Variants in RNF180 observed in about 807,000 individuals in gnomAD.
RNF180 encodes the protein E3 ubiquitin-protein ligase RNF180.
In RNF180, 38 loss-of-function variants were observed where a neutral mutation model predicts 59.2. The observed-to-expected ratio is 0.64, with a 90% CI of 0.50 to 0.84. RNF180 has a LOEUF of 0.84. Among genes scored for constraint, RNF180 ranks in the 40% least tolerant of loss-of-function variants. The pLI, the probability that RNF180 is intolerant of heterozygous loss-of-function variation, is 0.00. For synonymous variants in RNF180, 262 were observed against 240.3 expected (o/e 1.09, Z -0.84); for missense variants, 705 against 700.9 (o/e 1.01, Z -0.07).
chr5:64,349,464 G>A (rs1745694656), intron 7 of RNF180, among the ~76,000 whole-genome samples: 1 of 150,208 alleles, frequency 6.7e-6, no homozygotes, highest in Non-Finnish European at 1.5e-5. Context: ...AAGTTCTAGG[G>A]TACATGTGCA....
At chr5:64,183,593 G>A (rs1254128043) in intron 1 of RNF180, among the ~76,000 whole-genome samples, 1 of 151,736 alleles carries the variant, frequency 6.6e-6, no homozygotes, top group Non-Finnish European at 1.5e-5. Context: ...GATTACAGGC[G>A]TGTGCCACCA....
chr5:64,257,506 T>G (rs542842086), intron 5 of RNF180, among the ~76,000 whole-genome samples: 11 of 152,340 alleles, frequency 7.2e-5, no homozygotes, highest in African/African-American at 2.6e-4. Context: ...GGATTACATT[T>G]ATTGATTTGC....
chr5:64,246,044 G>GAA (rs1162838645), intron 5 of RNF180, among the ~76,000 whole-genome samples: 1 of 152,014 alleles, frequency 6.6e-6, no homozygotes, highest in African/African-American at 2.4e-5. Context: ...GCAGAAATAA[G>GAA]AAAGTTTTTT....
rs865780263 is a variant in RNF180 at position 64,275,358 on chromosome 5, A to G, written c.1228-49828A>G. Among the ~76,000 whole-genome samples the G allele has an allele frequency of 8.4e-5, 12 of 142,976 alleles. 1 individual carries two copies. The South Asian group carries it at 2.3e-3, about 28-fold the overall frequency. 93.8% of individuals were successfully genotyped at this position (142,976 alleles called of 152,430 possible). ...TCTAAATCTTATTCTTATTTTTCAT[A>G]TGCCTGACACAAAGTCCACATTAGT... On this transcript the variant is annotated intron_variant, in intron 5 of 7. Transcript: ENST00000389100.
intron 3 of RNF180, among the ~76,000 whole-genome samples, 187 bp from the exon 4 acceptor site, chr5:64,213,371 C>A (rs188399434): frequency 6.6e-6 from 1 of 152,060 alleles, no homozygotes; most frequent in African/African-American, 2.4e-5. Context: ...AGAACTTTGG[C>A]GCTGCTTATC....
At chr5:64,176,142 A>G (rs1410065850) in intron 1 of RNF180, among the ~76,000 whole-genome samples, 1 of 152,064 alleles carries the variant, frequency 6.6e-6, no homozygotes, top group African/African-American at 2.4e-5. Context: ...TACTGAGTCA[A>G]TCTCCTCATT....
At chr5:64,222,478 T>C (rs539742054) in intron 5 of RNF180, among the ~76,000 whole-genome samples, 1 of 152,282 alleles carries the variant, frequency 6.6e-6, no homozygotes, top group East Asian at 1.9e-4. Flanking sequence ...AGGTGCAAGC[T>C]TCCAAGAGTT....
At position 64,212,133 on chromosome 5, in the gene RNF180, A is replaced by G; in HGVS notation, c.204A>G (p.Pro68=). 6.2e-7 allele frequency: 1 copy of G among 1,600,438 alleles called. No homozygotes were observed. The change falls in exon 3 of 8, where the codon CCA becomes CCG. Residue 68 remains proline (P), a synonymous_variant. Transcript: ENST00000389100. ...HVWHMNVEAL[P]EWISCLIQKA... ...GGCACATGAATGTAGAAGCCCTTCCAGAATGGATAAGCTGCCTAATCCAAA... is the reference window on the plus strand; with the variant it reads ...GGCACATGAATGTAGAAGCCCTTCCGGAATGGATAAGCTGCCTAATCCAAA...
intron 7 of RNF180, among the ~76,000 whole-genome samples, chr5:64,365,836 C>T (rs980045109): frequency 6.6e-6 from 1 of 151,546 alleles, no homozygotes; most frequent in Non-Finnish European, 1.5e-5. Flanking sequence ...AGATTTTTCT[C>T]CATCCCTTTA....
chr5:64,294,923 C>T (rs1416377037), intron 5 of RNF180, among the ~76,000 whole-genome samples: 2 of 152,084 alleles, frequency 1.3e-5, no homozygotes, highest in African/African-American at 4.8e-5. Context: ...TCTTTATTCC[C>T]CTCTCGTTCA....
intron 5 of RNF180, among the ~76,000 whole-genome samples, chr5:64,218,919 G>A (rs1752768361): frequency 6.6e-6 from 1 of 152,122 alleles, no homozygotes; most frequent in Non-Finnish European, 1.5e-5. Flanking sequence ...GTTATTAAGA[G>A]TATACATTCT....
intron 5 of RNF180, among the ~76,000 whole-genome samples, chr5:64,296,464 G>T (rs1299074539): frequency 6.6e-6 from 1 of 152,054 alleles, no homozygotes; most frequent in Non-Finnish European, 1.5e-5. Context: ...TAAACAAGAA[G>T]TTTTAATCTG....
Position 64,371,899 on chromosome 5 carries a change from A to G in RNF180, c.*2085A>G, listed in dbSNP as rs1746667164. ...TGGAAAGAAACCAGTTTCTTCTGGT[A>G]TGTAGCACACAGTAGCCATTCAAAA... On this transcript the variant is annotated 3_prime_UTR_variant, in exon 8 of 8. Transcript: ENST00000389100. 1 of 151,646 alleles carries G rather than the reference A, an allele frequency of 6.6e-6. No homozygotes were observed. 9.4% of individuals were successfully genotyped at this position (151,646 alleles called of 1,614,324 possible). A position where few individuals can be genotyped will look rare whatever the true frequency, so the allele number is the denominator to read the frequency against.
intron 1 of RNF180, among the ~76,000 whole-genome samples, chr5:64,169,459 T>G (rs555579837): frequency 2.6e-5 from 4 of 152,348 alleles, no homozygotes; most frequent in Non-Finnish European, 5.9e-5. Context: ...GATTGCTGCA[T>G]GCAGTCATTT....
chr5:64,249,266 AT>A (rs1233653105), intron 5 of RNF180, among the ~76,000 whole-genome samples: 1 of 152,002 alleles, frequency 6.6e-6, no homozygotes, highest in Admixed American at 6.6e-5. Context: ...AAAAGAAAAA[AT>A]AAGCTCACTG....
intron 5 of RNF180, among the ~76,000 whole-genome samples, chr5:64,235,396 T>A (rs912469279): frequency 6.6e-6 from 1 of 152,116 alleles, no homozygotes; most frequent in African/African-American, 2.4e-5. Flanking sequence ...TTTACAAAGA[T>A]CTTTTTTTCT....
At chr5:64,287,695 A>T (rs1055595718) in intron 5 of RNF180, among the ~76,000 whole-genome samples, 3 of 151,852 alleles carry the variant, frequency 2.0e-5, no homozygotes, top group Non-Finnish European at 2.9e-5. Flanking sequence ...TTTTTTTCAT[A>T]TGTTTGTTGG....
At chr5:64,185,412 A>C (rs1414153792) in intron 1 of RNF180, among the ~76,000 whole-genome samples, 1 of 152,186 alleles carries the variant, frequency 6.6e-6, no homozygotes, top group Non-Finnish European at 1.5e-5. Flanking sequence ...GAGTAAATTA[A>C]GAGTTTACTA....
chr5:64,218,099 C>T (rs1218517922), intron 5 of RNF180, among the ~76,000 whole-genome samples: 1 of 151,446 alleles, frequency 6.6e-6, no homozygotes, highest in Non-Finnish European at 1.5e-5. Flanking sequence ...AATTTTTTTC[C>T]TGTAGAGCCA....
Sources: allele counts gnomAD v4.1 joint callset (sites outside exome capture counted in the v4.1 genomes callset), GRCh38; gene constraint gnomAD v4.1.1; transcripts MANE v1.5; gene names NCBI Gene and HGNC (gene_info 2026-07-23, HGNC 2026-07-21).